Variants in CHLSN observed in about 807,000 individuals in gnomAD.
The protein encoded by CHLSN is protein cholesin.
At chr7:1,010,752 C>A in the CHLSN span, among the ~76,000 whole-genome samples, 1 of 152,212 alleles carries the variant, frequency 6.6e-6, no homozygotes, top group Admixed American at 6.5e-5. Flanking sequence ...GCCCACCCTC[C>A]CCTCATTAAC....
the CHLSN span, among the ~76,000 whole-genome samples, chr7:978,014 G>A: frequency 6.6e-6 from 1 of 152,228 alleles, no homozygotes; most frequent in African/African-American, 2.4e-5. Context: ...TCACTCACTT[G>A]ACTGCAGCAG....
chr7:1,000,074 C>T, the CHLSN span, among the ~76,000 whole-genome samples: 1,237 of 152,340 alleles, frequency 8.1e-3, 14 homozygotes, highest in African/African-American at 0.029. Flanking sequence ...AAGGTTACCC[C>T]GTGTTGGTTT....
chr7:1,015,685 G>A, the CHLSN span, among the ~76,000 whole-genome samples: 1 of 152,212 alleles, frequency 6.6e-6, no homozygotes, highest in Non-Finnish European at 1.5e-5. Context: ...GGCGGGGCCA[G>A]GACTAACCCA....
At chr7:1,019,438 A>G in the CHLSN span, among the ~76,000 whole-genome samples, 1 of 152,260 alleles carries the variant, frequency 6.6e-6, no homozygotes, top group African/African-American at 2.4e-5. Context: ...GCTCTGGGCC[A>G]GAAGGAGAGG....
the CHLSN span, among the ~76,000 whole-genome samples, chr7:1,040,535 C>A: frequency 5.9e-5 from 9 of 152,014 alleles, no homozygotes; most frequent in Admixed American, 2.0e-4. Context: ...CTAAACCTCA[C>A]AAAAAATGAA....
the CHLSN span, among the ~76,000 whole-genome samples, chr7:995,423 A>T: frequency 6.6e-6 from 1 of 152,082 alleles, no homozygotes; most frequent in Non-Finnish European, 1.5e-5. Context: ...ACCTTTTCCC[A>T]CTAATGGTCG....
chr7:1,093,683 T>C, the CHLSN span: 1,174 of 469,694 alleles, frequency 2.5e-3, 13 homozygotes, highest in African/African-American at 0.021. Flanking sequence ...GGCTGACGAA[T>C]TTGTTTCTAC....
the CHLSN span, among the ~76,000 whole-genome samples, chr7:1,062,635 A>T: frequency 1.3e-5 from 2 of 152,128 alleles, no homozygotes; most frequent in African/African-American, 4.8e-5. Flanking sequence ...CATTGACTAC[A>T]CCCCTGAGGG....
chr7:1,084,057 C>G, the CHLSN span, among the ~76,000 whole-genome samples: 1 of 152,244 alleles, frequency 6.6e-6, no homozygotes, highest in South Asian at 2.1e-4. Flanking sequence ...GAGGGGAGGT[C>G]ACAGGATGTC....
the CHLSN span, among the ~76,000 whole-genome samples, chr7:985,707 A>G: frequency 2.0e-5 from 3 of 152,226 alleles, no homozygotes; most frequent in Admixed American, 6.5e-5. Context: ...CAAAACCACA[A>G]AAGTTCACCC....
chr7:1,136,731 A>G, the CHLSN span, among the ~76,000 whole-genome samples: 1 of 151,300 alleles, frequency 6.6e-6, no homozygotes, highest in Non-Finnish European at 1.5e-5. Context: ...TATCATCTCA[A>G]GCTTAAGAAT....
chr7:1,024,141 T>G, the CHLSN span, among the ~76,000 whole-genome samples: 4 of 152,166 alleles, frequency 2.6e-5, no homozygotes, highest in Non-Finnish European at 5.9e-5. Flanking sequence ...CAGCGATCCT[T>G]CCGGCCAGCC....
At chr7:1,105,361 C>A in the CHLSN span, among the ~76,000 whole-genome samples, 4 of 152,348 alleles carry the variant, frequency 2.6e-5, no homozygotes, top group East Asian at 7.7e-4. Context: ...GTGGAACAGG[C>A]TTCTGGAGCC....
the CHLSN span, among the ~76,000 whole-genome samples, chr7:1,010,684 C>T: frequency 5.9e-5 from 9 of 152,154 alleles, no homozygotes; most frequent in Admixed American, 3.9e-4. Flanking sequence ...GGAGAGGGCC[C>T]GCTGTGACAA....
chr7:1,123,354 G>A, the CHLSN span, among the ~76,000 whole-genome samples: 2 of 152,200 alleles, frequency 1.3e-5, no homozygotes, highest in East Asian at 1.9e-4. This position sits in a 1 kb window ranked among gnomAD's most constrained non-coding sequence, Gnocchi z 4.4. Flanking sequence ...GGGAGTGGCC[G>A]CTGACCCGCA....
chr7:1,069,559 C>T, the CHLSN span, among the ~76,000 whole-genome samples: 4 of 132,884 alleles, frequency 3.0e-5, no homozygotes, highest in East Asian at 4.2e-4. Context: ...CTGTGTTGGC[C>T]GGGCCGGTCT....
chr7:1,002,084 T>C, the CHLSN span, among the ~76,000 whole-genome samples: 1 of 134,024 alleles, frequency 7.5e-6, no homozygotes, highest in Non-Finnish European at 1.6e-5. Context: ...GGGAGTCCTC[T>C]GGGTGAGTGG....
At chr7:999,024 A>T in the CHLSN span, among the ~76,000 whole-genome samples, 1 of 152,236 alleles carries the variant, frequency 6.6e-6, no homozygotes, top group African/African-American at 2.4e-5. Flanking sequence ...TATAAGTAAA[A>T]TGCACATTTG....
At chr7:1,034,274 A>T in the CHLSN span, among the ~76,000 whole-genome samples, 1 of 152,274 alleles carries the variant, frequency 6.6e-6, no homozygotes, top group Non-Finnish European at 1.5e-5. Context: ...ACTTTGAAGA[A>T]TCCAAATAAA....
Sources: allele counts gnomAD v4.1 joint callset (sites outside exome capture counted in the v4.1 genomes callset), GRCh38; gene constraint gnomAD v4.1.1; non-coding constraint Gnocchi (gnomAD v3.1); transcripts MANE v1.5; gene names NCBI Gene and HGNC (gene_info 2026-07-23, HGNC 2026-07-21).